Variants in DMD observed in about 807,000 individuals in gnomAD.
DMD encodes the protein mutant dystrophin.
Under a neutral mutation model 330.1 loss-of-function variants are expected in DMD, and 63 were observed. The observed-to-expected ratio is 0.19, with a 90% CI of 0.16 to 0.24. The LOEUF (loss-of-function observed/expected upper bound fraction) is 0.24. Among genes scored for constraint, DMD ranks in the 10% least tolerant of loss-of-function variants. The probability of loss-of-function intolerance (pLI) is 1.00; values close to 1 mark genes in which losing one functional copy is unlikely to be tolerated. For synonymous variants in DMD, 1,223 were observed against 959.8 expected, an observed-to-expected ratio of 1.27 and a Z score of -5.07; for missense variants, 3,344 against 2,684.1, an observed-to-expected ratio of 1.25 and a Z score of -5.43.
chrX:32,385,311 T>C (rs1177535213), intron 33 of DMD, among the ~76,000 whole-genome samples: 1 of 110,752 alleles, frequency 9.0e-6, no homozygotes, highest in Non-Finnish European at 1.9e-5. Flanking sequence ...AAAAAGGACA[T>C]TCTCTTCAAT....
At chrX:31,614,533 A>C (rs1337204274) in intron 55 of DMD, among the ~76,000 whole-genome samples, 2 of 112,093 alleles carry the variant, frequency 1.8e-5, no homozygotes, top group Non-Finnish European at 3.8e-5. Flanking sequence ...CCACAGACTC[A>C]GGAGCAAACA....
intron 9 of DMD, among the ~76,000 whole-genome samples, chrX:32,677,064 T>C (rs1393879488): frequency 9.0e-6 from 1 of 111,623 alleles, no homozygotes; most frequent in Non-Finnish European, 1.9e-5. Flanking sequence ...TGTTTTAAAA[T>C]ATGTAATTTC....
chrX:33,121,628 C>T (rs1355948314), intron 1 of DMD, among the ~76,000 whole-genome samples: 5 of 112,010 alleles, frequency 4.5e-5, no homozygotes, highest in Non-Finnish European at 7.5e-5. Flanking sequence ...TCTGCAGAAT[C>T]TCTTTTTGCA....
At chrX:31,688,034 G>A (rs1290535817) in intron 52 of DMD, among the ~76,000 whole-genome samples, 7 of 110,400 alleles carry the variant, frequency 6.3e-5, no homozygotes, top group Non-Finnish European at 1.1e-4. Flanking sequence ...ACCCTTTTGA[G>A]GCTATTTTCT....
At chrX:33,021,601 G>T (rs1326089019) in intron 1 of DMD, among the ~76,000 whole-genome samples, 2 of 111,099 alleles carry the variant, frequency 1.8e-5, no homozygotes, top group East Asian at 5.6e-4. Flanking sequence ...ACAAATATAT[G>T]CATGCACCAA....
chrX:32,304,483 T>C (rs1221830841), intron 42 of DMD, among the ~76,000 whole-genome samples: 1 of 110,919 alleles, frequency 9.0e-6, no homozygotes, highest in Non-Finnish European at 1.9e-5. Flanking sequence ...GTATAAAATA[T>C]AAAAGAAAAC....
chrX:32,771,564 T>A (rs927901128), intron 7 of DMD, among the ~76,000 whole-genome samples: 4 of 110,443 alleles, frequency 3.6e-5, no homozygotes, highest in Non-Finnish European at 5.7e-5. Context: ...ACGGCTTTTT[T>A]CAAACTACTA....
intron 7 of DMD, among the ~76,000 whole-genome samples, chrX:32,725,364 A>C (rs2066753920): frequency 9.0e-6 from 1 of 111,040 alleles, no homozygotes; most frequent in African/African-American, 3.3e-5. Context: ...ATGTGTTTAT[A>C]TACATGCTAT....
chrX:33,287,365 C>CA (rs1446113276), intron 1 of DMD, among the ~76,000 whole-genome samples: 7 of 110,061 alleles, frequency 6.4e-5, no homozygotes, highest in South Asian at 3.9e-4. Flanking sequence ...GATGCCAGTA[C>CA]AATGCTACCA....
intron 2 of DMD, among the ~76,000 whole-genome samples, chrX:32,956,685 C>T (rs67439014): frequency 0.13 from 14,893 of 110,417 alleles, 881 homozygotes; most frequent in African/African-American, 0.22. Context: ...TAGTTGGAGG[C>T]GCTTTATTTC....
chrX:31,316,955 T>G (rs922543377), intron 62 of DMD, among the ~76,000 whole-genome samples: 1 of 112,389 alleles, frequency 8.9e-6, no homozygotes, highest in Non-Finnish European at 1.9e-5. Context: ...TAGTGCTAAA[T>G]AGTTAAGTGA....
chrX:31,845,671 G>A (rs2093415118), intron 48 of DMD, among the ~76,000 whole-genome samples: 1 of 110,487 alleles, frequency 9.1e-6, no homozygotes, highest in Admixed American at 9.8e-5. Flanking sequence ...TTATTCCTAT[G>A]TTGTGGATAA....
intron 52 of DMD, among the ~76,000 whole-genome samples, chrX:31,704,478 G>C (rs1234175877): frequency 8.9e-6 from 1 of 111,840 alleles, no homozygotes; most frequent in East Asian, 2.8e-4. Context: ...AAAAAAAATT[G>C]AGGAATTTAA....
At chrX:31,748,505 C>T (rs763054697) in intron 51 of DMD, among the ~76,000 whole-genome samples, 88 of 111,774 alleles carry the variant, frequency 7.9e-4, no homozygotes, top group African/African-American at 2.8e-3. Context: ...TAATATTCCC[C>T]ATTACTATCT....
chrX:31,311,964 A>T (rs1320830345), intron 62 of DMD, among the ~76,000 whole-genome samples: 1 of 112,044 alleles, frequency 8.9e-6, no homozygotes, highest in Non-Finnish European at 1.9e-5. Context: ...CTCAAGATGG[A>T]TTAAAGACTT....
At chrX:31,350,118 C>A (rs2058313729) in intron 60 of DMD, among the ~76,000 whole-genome samples, 1 of 111,108 alleles carries the variant, frequency 9.0e-6, no homozygotes, top group Admixed American at 9.6e-5. Context: ...ACATATCAAA[C>A]CTACCTTCCC....
intron 1 of DMD, among the ~76,000 whole-genome samples, chrX:33,294,615 A>G (rs2053559161): frequency 1.8e-5 from 2 of 110,241 alleles, no homozygotes; most frequent in South Asian, 7.6e-4. Flanking sequence ...TATATTTGAT[A>G]CTAGGTAGTA....
At chrX:31,460,489 G>C (rs961676132) in intron 59 of DMD, among the ~76,000 whole-genome samples, 9 of 112,257 alleles carry the variant, frequency 8.0e-5, no homozygotes, top group Non-Finnish European at 1.9e-5. Context: ...TCATCAGTAT[G>C]TTTGGTAGAA....
chrX:32,260,050 T>C (rs918822631), intron 43 of DMD, among the ~76,000 whole-genome samples: 8 of 111,214 alleles, frequency 7.2e-5, no homozygotes, highest in African/African-American at 2.0e-4. Flanking sequence ...AGAAAATTAG[T>C]ACTCTTTGGA....
Sources: gnomAD v4.1 joint callset for allele counts (sites outside exome capture counted in the v4.1 genomes callset) on GRCh38, gnomAD v4.1.1 for gene constraint, MANE v1.5 for transcripts, NCBI Gene and HGNC (gene_info 2026-07-23, HGNC 2026-07-21) for gene names.